Variants in SUSD4 observed in about 807,000 individuals in gnomAD.
SUSD4 encodes the protein sushi domain containing 4, also known as sushi domain-containing protein 4.
Under a neutral mutation model 50.5 loss-of-function variants are expected in SUSD4, and 41 were observed. The ratio of observed to expected loss-of-function variants is 0.81; its 90% CI spans 0.63 to 1.05. SUSD4 has a LOEUF of 1.05. Ranked by LOEUF, SUSD4 falls within the 50% of genes least tolerant of loss-of-function variation. The probability of loss-of-function intolerance (pLI) is 0.00; values close to 1 mark genes in which losing one functional copy is unlikely to be tolerated. For missense variants in SUSD4, 580 were observed against 634.7 expected, an observed-to-expected ratio of 0.91 and a Z score of 0.93; for synonymous variants, 257 against 257.3, an observed-to-expected ratio of 1.00 and a Z score of 0.01.
At chr1:223,356,830 G>C (rs1053653785) in intron 2 of SUSD4, among the ~76,000 whole-genome samples, 1 of 152,188 alleles carries the variant, frequency 6.6e-6, no homozygotes, top group Admixed American at 6.5e-5. Flanking sequence ...GCAAAAAAGA[G>C]AGAGAGAAAT....
At chr1:223,305,016 T>C (rs576676561) in intron 2 of SUSD4, among the ~76,000 whole-genome samples, 1 of 151,738 alleles carries the variant, frequency 6.6e-6, no homozygotes, top group African/African-American at 2.4e-5. Flanking sequence ...TTTGATGATT[T>C]TGATGATGAC....
intron 2 of SUSD4, among the ~76,000 whole-genome samples, chr1:223,315,883 T>C (rs1013453427): frequency 6.6e-6 from 1 of 152,148 alleles, no homozygotes; most frequent in African/African-American, 2.4e-5. Flanking sequence ...TTAGAAGTCT[T>C]GATTGCAAGG....
chr1:223,333,326 G>A (rs903840280), intron 2 of SUSD4, among the ~76,000 whole-genome samples: 25 of 151,932 alleles, frequency 1.6e-4, no homozygotes, highest in African/African-American at 4.4e-4. Flanking sequence ...GTAAACTGGG[G>A]CTATCAGCAC....
At position 223,229,166 on chromosome 1, in the gene SUSD4, T is replaced by C; in HGVS notation, c.916+31A>G. The C allele has an allele frequency of 6.4e-7, 1 of 1,574,120 alleles. No individual in the cohort carries two copies. The highest frequency in any genetic ancestry group is 8.7e-7 in the Non-Finnish European group (1 of 1,150,212). ...GTGCAGATGGTCCAAGGAGGGTCCA[T>C]CTCCTCCAAGGGTGAGGCCTTCAGT... is the stretch of plus-strand genomic sequence containing the variant. On this transcript the variant is annotated intron_variant, in intron 6 of 8. Coordinates refer to ENST00000366878, the MANE Select transcript of SUSD4 (RefSeq NM_017982.4). This position sits in a 1 kb window ranked among gnomAD's most constrained non-coding sequence, Gnocchi z 4.7.
chr1:223,325,814 G>T (rs1420389245), intron 2 of SUSD4, among the ~76,000 whole-genome samples: 1 of 152,094 alleles, frequency 6.6e-6, no homozygotes, highest in East Asian at 1.9e-4. Flanking sequence ...ACTTAACCAA[G>T]GAGGTGAAAG....
At chr1:223,278,512 G>C (rs1663445696) in intron 3 of SUSD4, among the ~76,000 whole-genome samples, 1 of 152,214 alleles carries the variant, frequency 6.6e-6, no homozygotes, top group Non-Finnish European at 1.5e-5. Context: ...CAGCGAGGCT[G>C]GGGGAGGGGT....
At chr1:223,287,780 T>C (rs1664240250) in intron 3 of SUSD4, among the ~76,000 whole-genome samples, 1 of 152,126 alleles carries the variant, frequency 6.6e-6, no homozygotes, top group South Asian at 2.1e-4. Flanking sequence ...TCAGAGCTGC[T>C]CAAGAAAAAT....
At chr1:223,356,902 A>G (rs1043224710) in intron 2 of SUSD4, among the ~76,000 whole-genome samples, 7 of 152,228 alleles carry the variant, frequency 4.6e-5, no homozygotes, top group African/African-American at 1.7e-4. Context: ...CGATACAGCT[A>G]AAAACATCTT....
At chr1:223,360,251 C>T in intron 2 of SUSD4, 1 of 470,666 alleles carries the variant, frequency 2.1e-6, no homozygotes, top group Non-Finnish European at 4.4e-6. Flanking sequence ...TTCCTTGAAG[C>T]CTGGGGGTGG....
At chr1:223,275,909 C>A (rs760446814) in intron 3 of SUSD4, among the ~76,000 whole-genome samples, 2 of 152,214 alleles carry the variant, frequency 1.3e-5, no homozygotes, top group Admixed American at 6.5e-5. Flanking sequence ...GAACCTAATC[C>A]GCGCAAGCTG....
At chr1:223,360,136 C>A in intron 2 of SUSD4, 1 of 465,288 alleles carries the variant, frequency 2.1e-6, no homozygotes, top group Non-Finnish European at 4.5e-6. Context: ...TCCTGAGACC[C>A]CAAAGCTATC....
intron 5 of SUSD4, among the ~76,000 whole-genome samples, chr1:223,257,913 C>T (rs372454673): frequency 5.3e-5 from 8 of 152,298 alleles, no homozygotes; most frequent in African/African-American, 1.4e-4. Context: ...CAGTAATTTA[C>T]GACCTTATTG....
chr1:223,264,648 G>A lies in SUSD4; in HGVS notation c.706C>T (p.Arg236Trp), dbSNP rs777089831. The A allele has an allele frequency of 2.5e-5, 41 of 1,614,012 alleles. No homozygotes were observed. Among genetic ancestry groups the A allele is most frequent in the African/African-American group, 4.0e-5 (3 of 74,926 alleles). Residue 236 changes from arginine (R) to tryptophan (W), a missense_variant, in exon 5 of 9, where the codon CGG (arginine) becomes TGG (tryptophan). Physicochemically the swap from Arg to Trp is moderately radical, Grantham distance 101. Coordinates refer to ENST00000366878, the MANE Select transcript of SUSD4 (RefSeq NM_017982.4). ...GTGTTACCTTCCAGAGCAAGGCACC[G>A]GGGTGGGCTGGACGACCAGATAAGG... ...QNLIWSSSPP[R>W]CLALEVCPLP... is the part of the protein sequence containing the mutation.
intron 5 of SUSD4, among the ~76,000 whole-genome samples, chr1:223,252,184 G>T (rs1423165443): frequency 6.9e-6 from 1 of 145,584 alleles, no homozygotes; most frequent in African/African-American, 2.6e-5. Context: ...AAACCTGCAC[G>T]TTGTGCACAT....
chr1:223,283,726 A>G lies in SUSD4; in HGVS notation c.361+8713T>C, dbSNP rs536917456. Among the ~76,000 whole-genome samples the G allele has an allele frequency of 2.5e-3, 380 of 152,360 alleles. 2 individuals are homozygous for G. Among genetic ancestry groups the G allele is most frequent in the Non-Finnish European group, 4.5e-3 (309 of 68,032 alleles). On this transcript the variant is annotated intron_variant, in intron 3 of 8. Coordinates refer to ENST00000366878, the MANE Select transcript of SUSD4 (RefSeq NM_017982.4). ...TACCATTTGACCCAGCCATCCCATT[A>G]CTGGGTATATACCCAAAGGATTATA...
chr1:223,331,487 T>C lies in SUSD4; in HGVS notation c.148+31791A>G, dbSNP rs552309602. Among the ~76,000 whole-genome samples, 17 of 152,272 alleles carry C rather than the reference T, an allele frequency of 1.1e-4. No homozygotes were observed. In the South Asian group the frequency reaches 3.1e-3, roughly 28 times the overall value. ...AACCTGTGTCCCCCTGTGGTTGGGGTTGAGCACAACTAAAAGGGCCTCCAA... is the reference window on the plus strand; with the variant it reads ...AACCTGTGTCCCCCTGTGGTTGGGGCTGAGCACAACTAAAAGGGCCTCCAA... On this transcript the variant is annotated intron_variant, in intron 2 of 8. Transcript: ENST00000366878.
At position 223,324,534 on chromosome 1, in the gene SUSD4, C is replaced by T. The variant is rs1310975553; in HGVS notation, c.149-31883G>A. Among the ~76,000 whole-genome samples, 7 of 152,046 alleles carry T rather than the reference C, an allele frequency of 4.6e-5. No individual in the cohort carries two copies. The South Asian group carries it at 6.3e-4, about 14-fold the overall frequency. ...TAGCTCATAATAATATTAATTTCCACAGAACTTACCACTCCTCCAAAGATG... is the reference window on the plus strand; with the variant it reads ...TAGCTCATAATAATATTAATTTCCATAGAACTTACCACTCCTCCAAAGATG... On this transcript the variant is annotated intron_variant, in intron 2 of 8. Coordinates refer to ENST00000366878, the MANE Select transcript of SUSD4 (RefSeq NM_017982.4).
Position 223,268,563 on chromosome 1 carries a change from T to C in SUSD4, c.474A>G (p.Leu158=). Residue 158 remains leucine, a synonymous_variant, in exon 4 of 9, where the codon CTA becomes CTG. Transcript: ENST00000366878. ...HEGFKIRYPD[L]HNMVSLCRDD... ...CGCGACATAATGAAACCATATTGTGTAGGTCGGGGTACCGGATCTTGAATC... is the reference window on the plus strand; with the variant it reads ...CGCGACATAATGAAACCATATTGTGCAGGTCGGGGTACCGGATCTTGAATC... 1 of 1,614,206 alleles carries C rather than the reference T, an allele frequency of 6.2e-7. No individual in the cohort carries two copies. The highest frequency in any genetic ancestry group is 8.5e-7 in the Non-Finnish European group (1 of 1,180,036).
At chr1:223,317,751 A>G (rs907417542) in intron 2 of SUSD4, among the ~76,000 whole-genome samples, 9 of 150,250 alleles carry the variant, frequency 6.0e-5, no homozygotes, top group African/African-American at 2.2e-4. Flanking sequence ...AATGTCTCTC[A>G]TGAGGCCAGG....
Sources: gnomAD v4.1 joint callset for allele counts (sites outside exome capture counted in the v4.1 genomes callset) on GRCh38, gnomAD v4.1.1 for gene constraint, Gnocchi (gnomAD v3.1) non-coding constraint, MANE v1.5 for transcripts, NCBI Gene and HGNC (gene_info 2026-07-23, HGNC 2026-07-21) for gene names.